Variants in NCKAP5 observed in about 807,000 individuals in gnomAD.
NCKAP5 encodes the protein NCK associated protein 5, also known as nck-associated protein 5.
In NCKAP5, 92 loss-of-function variants were observed where a neutral mutation model predicts 167.0. The ratio of observed to expected loss-of-function variants is 0.55; its 90% CI spans 0.47 to 0.66. The LOEUF is 0.66. NCKAP5 is among the 30% of genes least tolerant of loss of function. NCKAP5 has a pLI of 0.00. For missense variants in NCKAP5, 2,378 were observed against 2,315.0 expected, an observed-to-expected ratio of 1.03 and a Z score of -0.56; for synonymous variants, 891 against 877.4, an observed-to-expected ratio of 1.02 and a Z score of -0.27.
chr2:133,513,046 A>C (rs1170959434), intron 3 of NCKAP5, among the ~76,000 whole-genome samples: 1 of 152,204 alleles, frequency 6.6e-6, no homozygotes, highest in East Asian at 1.9e-4. Context: ...CCCCTGTATC[A>C]GCCAGGGAGA....
intron 3 of NCKAP5, among the ~76,000 whole-genome samples, chr2:133,490,641 G>A (rs1327737800): frequency 1.3e-5 from 2 of 152,172 alleles, no homozygotes; most frequent in Admixed American, 1.3e-4. Context: ...CCCAAGCTGA[G>A]GGATGAGGAT....
chr2:132,775,101 G>A (rs996302927), intron 15 of NCKAP5, among the ~76,000 whole-genome samples: 2 of 152,158 alleles, frequency 1.3e-5, no homozygotes, highest in South Asian at 4.1e-4. Context: ...TGATAATAAC[G>A]TGCAATGCAA....
At chr2:133,369,782 C>T (rs576530121) in intron 3 of NCKAP5, among the ~76,000 whole-genome samples, 9 of 152,154 alleles carry the variant, frequency 5.9e-5, no homozygotes, top group Admixed American at 1.3e-4. Context: ...TTTATTTGTG[C>T]GAGAAAAAAG....
chr2:132,706,261 G>A (rs1688352367), intron 19 of NCKAP5, among the ~76,000 whole-genome samples: 1 of 152,142 alleles, frequency 6.6e-6, no homozygotes, highest in Non-Finnish European at 1.5e-5. Context: ...GGATGATACT[G>A]AAGCAAAAGG....
At chr2:132,944,903 G>C (rs1352745560) in intron 8 of NCKAP5, among the ~76,000 whole-genome samples, 1 of 151,522 alleles carries the variant, frequency 6.6e-6, no homozygotes, top group Non-Finnish European at 1.5e-5. Context: ...TGGGCAAAGG[G>C]AAGACCTTAC....
At chr2:133,002,535 T>C (rs1373300947) in intron 6 of NCKAP5, among the ~76,000 whole-genome samples, 2 of 152,182 alleles carry the variant, frequency 1.3e-5, no homozygotes, top group African/African-American at 4.8e-5. Context: ...GGGAAACTAT[T>C]GTGCATTATA....
chr2:132,969,198 A>G (rs1396720947), intron 7 of NCKAP5, among the ~76,000 whole-genome samples: 1 of 151,866 alleles, frequency 6.6e-6, no homozygotes, highest in Non-Finnish European at 1.5e-5. Flanking sequence ...CCACCACACC[A>G]GGCTGATTTT....
At chr2:133,009,521 A>G (rs1025676540) in intron 6 of NCKAP5, among the ~76,000 whole-genome samples, 1 of 152,192 alleles carries the variant, frequency 6.6e-6, no homozygotes, top group African/African-American at 2.4e-5. Context: ...CTTAAAAATA[A>G]CACCTTATGT....
rs780475157 is a variant in NCKAP5 at position 132,782,799 on chromosome 2, C to T, written c.4012G>A (p.Val1338Ile). Residue 1338 changes from valine (V) to isoleucine (I), a missense_variant, in exon 14 of 20, where the codon GTT (valine) becomes ATT (isoleucine). By Grantham distance (29) the Val-to-Ile change is conservative (BLOSUM62 3). This residue lies in a region of NCKAP5 where 1,325 missense variants were observed against 1,274.5 expected (regional missense o/e 1.04). Transcript: ENST00000409261. ...GAGGGGTGCCCCGAGGGCCTCCCAA[C>T]ACTGGGGAGACTCTCCAACATGGGA... Reference protein sequence around the residue: ...SAPMLESLPSVGRPSGHPSSG... With the variant: ...SAPMLESLPSIGRPSGHPSSG... 5.3e-5 allele frequency: 86 copies of T among 1,613,782 alleles called. No homozygotes were observed. The highest frequency in any genetic ancestry group is 7.2e-5 in the Non-Finnish European group (85 of 1,179,844).
At chr2:133,466,597 G>A (rs1692610603) in intron 3 of NCKAP5, among the ~76,000 whole-genome samples, 2 of 152,098 alleles carry the variant, frequency 1.3e-5, no homozygotes, top group Admixed American at 6.6e-5. Flanking sequence ...AAATTACCTT[G>A]GGCAGTATGG....
chr2:132,924,780 C>T lies in NCKAP5; in HGVS notation c.579+38940G>A, dbSNP rs1695719873. On this transcript the variant is annotated intron_variant, in intron 8 of 19. Transcript: ENST00000409261. ...GAGTAAGTTGAGAGGCTATAAAACCCATGCCAAATCACATTCAATAACATG... is the reference window on the plus strand; with the variant it reads ...GAGTAAGTTGAGAGGCTATAAAACCTATGCCAAATCACATTCAATAACATG... Among the ~76,000 whole-genome samples, 4 of 151,902 alleles carry T rather than the reference C, an allele frequency of 2.6e-5. 1 individual carries two copies. In the South Asian group the frequency reaches 8.3e-4, roughly 32 times the overall value.
At chr2:133,144,716 G>A (rs2083122830) in intron 5 of NCKAP5, among the ~76,000 whole-genome samples, 2 of 152,130 alleles carry the variant, frequency 1.3e-5, no homozygotes, top group South Asian at 4.1e-4. Context: ...TCTCTGTACA[G>A]AGGCACCTGC....
chr2:133,616,841 C>A, the NCKAP5 span, among the ~76,000 whole-genome samples: 1 of 152,224 alleles, frequency 6.6e-6, no homozygotes, highest in Admixed American at 6.5e-5. Context: ...TGGGCAGAGA[C>A]ACAACCAAAA....
intron 6 of NCKAP5, among the ~76,000 whole-genome samples, chr2:133,002,334 T>C (rs1469756285): frequency 1.3e-5 from 2 of 152,200 alleles, no homozygotes; most frequent in African/African-American, 4.8e-5. Context: ...ATGTACAAAT[T>C]AGGCACACTA....
At chr2:133,611,668 C>G in the NCKAP5 span, among the ~76,000 whole-genome samples, 1 of 152,244 alleles carries the variant, frequency 6.6e-6, no homozygotes, top group South Asian at 2.1e-4. Flanking sequence ...GATAAAAAGG[C>G]TGGGTGGGGT....
rs1680519885 is a variant in NCKAP5 at position 133,303,128 on chromosome 2, G to A, written c.70-18C>T. ...ATGTATTCCTGCACAAGCAGACAAAGACAGATGAAAACTCACTATGACAGT... is the reference window on the plus strand; with the variant it reads ...ATGTATTCCTGCACAAGCAGACAAAAACAGATGAAAACTCACTATGACAGT... On this transcript the variant is annotated intron_variant, in intron 3 of 19. Coordinates refer to ENST00000409261, the MANE Select transcript of NCKAP5 (RefSeq NM_207363.3). 1 of 1,562,194 alleles carries A rather than the reference G, an allele frequency of 6.4e-7. No individual in the cohort carries two copies. Among genetic ancestry groups the A allele is most frequent in the East Asian group, 2.3e-5 (1 of 42,924 alleles).
chr2:133,306,785 G>A (rs544336730), intron 3 of NCKAP5, among the ~76,000 whole-genome samples: 1 of 152,152 alleles, frequency 6.6e-6, no homozygotes, highest in African/African-American at 2.4e-5. Flanking sequence ...GCACTGAATC[G>A]TTCATACAGA....
chr2:132,765,560 G>A (rs1201018037), intron 16 of NCKAP5, among the ~76,000 whole-genome samples: 7 of 94,950 alleles, frequency 7.4e-5, no homozygotes, highest in South Asian at 3.3e-4. Context: ...TGACCTGCCC[G>A]CCTCAGCACA....
At chr2:132,699,331 GA>G (rs1198115888) in intron 19 of NCKAP5, among the ~76,000 whole-genome samples, 1 of 152,052 alleles carries the variant, frequency 6.6e-6, no homozygotes, top group African/African-American at 2.4e-5. Flanking sequence ...TGACATGATA[GA>G]TTTTTTTTAA....
Sources: gnomAD v4.1 joint callset for allele counts (sites outside exome capture counted in the v4.1 genomes callset) on GRCh38, gnomAD v4.1.1 for gene constraint, gnomAD v4.1.1 regional missense constraint, MANE v1.5 for transcripts, NCBI Gene and HGNC (gene_info 2026-07-23, HGNC 2026-07-21) for gene names.